Variants in KDM2A observed in about 807,000 individuals in gnomAD.
KDM2A encodes lysine demethylase 2A.
In KDM2A, 3 loss-of-function variants were observed where a neutral mutation model predicts 137.3. The observed-to-expected ratio is 0.02, with a 90% CI of 0.01 to 0.06. The LOEUF (loss-of-function observed/expected upper bound fraction) is 0.06, where lower values mean the gene tolerates loss of function less well. Among genes scored for constraint, KDM2A ranks in the 10% least tolerant of loss-of-function variants. KDM2A has a pLI of 1.00. For synonymous variants in KDM2A, 512 were observed against 541.5 expected (o/e 0.95, Z 0.76); for missense variants, 738 against 1,510.6 (o/e 0.49, Z 8.48).
chr11:67,120,777 C>T (rs989525372), intron 1 of KDM2A, among the ~76,000 whole-genome samples: 8 of 152,090 alleles, frequency 5.3e-5, no homozygotes, highest in Non-Finnish European at 8.8e-5. Flanking sequence ...AATTTTTTGT[C>T]CTCTTTTTAC....
At chr11:67,243,224 A>T (rs573907113) in intron 13 of KDM2A, 132 bp downstream of exon 13, 1 of 643,396 alleles carries the variant, frequency 1.6e-6, no homozygotes, top group African/African-American at 1.8e-5. Flanking sequence ...ACAGAAAATC[A>T]TTATTCAGTT....
At chr11:67,162,074 C>T (rs1329493233) in intron 2 of KDM2A, among the ~76,000 whole-genome samples, 3 of 152,068 alleles carry the variant, frequency 2.0e-5, no homozygotes, top group Non-Finnish European at 4.4e-5. Context: ...CTTTACTTTG[C>T]CTCTCAGGAA....
At chr11:67,132,880 G>T (rs967436493) in intron 2 of KDM2A, among the ~76,000 whole-genome samples, 1 of 152,168 alleles carries the variant, frequency 6.6e-6, no homozygotes, top group African/African-American at 2.4e-5. Flanking sequence ...AACAAGACAG[G>T]TGATTTTGAT....
chr11:67,154,134 A>G (rs941599402), intron 2 of KDM2A, among the ~76,000 whole-genome samples: 1 of 152,220 alleles, frequency 6.6e-6, no homozygotes, highest in African/African-American at 2.4e-5. Context: ...TTTATGCATT[A>G]TATTTGACTG....
At chr11:67,210,541 T>A (rs1484036388) in intron 6 of KDM2A, among the ~76,000 whole-genome samples, 1 of 152,130 alleles carries the variant, frequency 6.6e-6, no homozygotes, top group Non-Finnish European at 1.5e-5. Context: ...TGACATCATT[T>A]TATAAAAATT....
At chr11:67,193,393 C>T (rs1258052934) in intron 5 of KDM2A, among the ~76,000 whole-genome samples, 1 of 152,188 alleles carries the variant, frequency 6.6e-6, no homozygotes, top group African/African-American at 2.4e-5. Context: ...TGTTTATTGA[C>T]TATTTGGGCC....
chr11:67,123,333 G>C (rs1344462313), intron 2 of KDM2A, among the ~76,000 whole-genome samples: 1 of 143,276 alleles, frequency 7.0e-6, no homozygotes, highest in African/African-American at 2.7e-5. Flanking sequence ...TGTGTATTGG[G>C]AAGTATATAT....
rs549183454 is a variant in KDM2A at position 67,141,977 on chromosome 11, C to A, written c.42+20619C>A. On this transcript the variant is annotated intron_variant, in intron 2 of 20. Transcript: ENST00000529006. Reference sequence around the variant, plus strand: ...GTTATTTAATATTCTCCAATTCCATCCATGTTCCGAAAATGACAGAATTTC... The same window carrying A: ...GTTATTTAATATTCTCCAATTCCATACATGTTCCGAAAATGACAGAATTTC... 2.6e-5 allele frequency among the ~76,000 whole-genome samples: 4 copies of A among 152,130 alleles called. No individual in the cohort carries two copies. The South Asian group carries it at 8.3e-4, about 32-fold the overall frequency.
In KDM2A at chr11:67,252,691, C is replaced by T; in HGVS notation, c.2769-3C>T. The T allele has an allele frequency of 6.2e-7, 1 of 1,613,932 alleles. No homozygotes were observed. The highest frequency in any genetic ancestry group is 8.5e-7 in the Non-Finnish European group (1 of 1,179,864). Reference sequence around the variant, plus strand: ...AGGCGAGTTCTCTTCCCTTCTATCACAGGTGCTGCGACAAGAGACTTTGGA... The same window carrying T: ...AGGCGAGTTCTCTTCCCTTCTATCATAGGTGCTGCGACAAGAGACTTTGGA... On this transcript the variant is annotated splice_region_variant and splice_polypyrimidine_tract_variant and intron_variant, in intron 17 of 20. Transcript: ENST00000529006.
chr11:67,190,765 A>G (rs1480012741), intron 5 of KDM2A, among the ~76,000 whole-genome samples: 3 of 152,216 alleles, frequency 2.0e-5, no homozygotes, highest in African/African-American at 7.2e-5. Context: ...TTTAAAAAAA[A>G]AAATACTACG....
At chr11:67,235,966 T>C (rs1858860570) in intron 12 of KDM2A, among the ~76,000 whole-genome samples, 1 of 152,146 alleles carries the variant, frequency 6.6e-6, no homozygotes, top group Non-Finnish European at 1.5e-5. Context: ...TCTTGATATA[T>C]GTTGAATAAA....
chr11:67,191,247 G>A (rs1390946250), intron 5 of KDM2A, among the ~76,000 whole-genome samples: 2 of 152,024 alleles, frequency 1.3e-5, no homozygotes, highest in East Asian at 1.9e-4. Context: ...GGATGGTCTC[G>A]ATCTCCTGAC....
chr11:67,247,445 T>A (rs868219108), intron 15 of KDM2A, among the ~76,000 whole-genome samples: 2 of 147,784 alleles, frequency 1.4e-5, no homozygotes, highest in African/African-American at 5.0e-5. Flanking sequence ...TTTTTTTTTT[T>A]AAGACATGGT....
At position 67,250,137 on chromosome 11, in the gene KDM2A, C is replaced by T. The variant is rs1403006325; in HGVS notation, c.2107C>T (p.Arg703Trp). ...AGAAGCTGTGCAAGCCAAAGTCCTG[C>T]GGCCCCTGCGGAGCTGCGATGAGCC... Reference protein sequence around the residue: ...DEEAVQAKVLRPLRSCDEPLT... With the variant: ...DEEAVQAKVLWPLRSCDEPLT... Residue 703 changes from arginine to tryptophan, a missense_variant, in exon 17 of 21, where the codon CGG (arginine) becomes TGG (tryptophan). By Grantham distance (101) the Arg-to-Trp change is moderately radical. This residue lies in a region of KDM2A where 244 missense variants were observed against 324.6 expected (regional missense o/e 0.75). Transcript: ENST00000529006. This position sits in a 1 kb window ranked among gnomAD's most constrained non-coding sequence, Gnocchi z 7.1. 1.9e-6 allele frequency: 3 copies of T among 1,610,786 alleles called. No homozygotes were observed. Among genetic ancestry groups the T allele is most frequent in the African/African-American group, 1.3e-5 (1 of 74,814 alleles).
chr11:67,152,607 C>T (rs1325193298), intron 2 of KDM2A, among the ~76,000 whole-genome samples: 2 of 134,640 alleles, frequency 1.5e-5, no homozygotes, highest in Admixed American at 7.5e-5. Context: ...GACCCTGTTA[C>T]AAAAAAAAAA....
chr11:67,143,083 A>G (rs965659710), intron 2 of KDM2A: 1 of 147,684 alleles, frequency 6.8e-6, no homozygotes, highest in African/African-American at 2.5e-5. Context: ...GTGCAATGAC[A>G]TGATCTCAGC....
At position 67,254,363 on chromosome 11, in the gene KDM2A, A is replaced by C. The variant is rs1170347389; in HGVS notation, c.3252A>C (p.Leu1084=). ...CSHLTDQSSN[L]LTAVGSSTRY... ...ACCTTACAGATCAGTCCTCCAATCT[A>C]CTCACTGCTGTCGGGTCTTCCACTC... Residue 1084 remains leucine (L), a synonymous_variant, in exon 20 of 21, where the codon CTA becomes CTC. Transcript: ENST00000529006. This position sits in a 1 kb window ranked among gnomAD's most constrained non-coding sequence, Gnocchi z 4.7. 3 of 1,613,908 alleles carry C rather than the reference A, an allele frequency of 1.9e-6. No homozygotes were observed. The highest frequency in any genetic ancestry group is 2.5e-6 in the Non-Finnish European group (3 of 1,179,858).
At chr11:67,132,169 TGATA>T (rs1855868405) in intron 2 of KDM2A, 1 of 152,218 alleles carries the variant, frequency 6.6e-6, no homozygotes, top group African/African-American at 2.4e-5. Flanking sequence ...TGTGGATCTC[TGATA>T]GATGAGCAGA....
intron 5 of KDM2A, among the ~76,000 whole-genome samples, chr11:67,193,189 C>T (rs930441474): frequency 3.3e-5 from 5 of 152,008 alleles, no homozygotes; most frequent in Non-Finnish European, 5.9e-5. Context: ...AGGGTTTTGC[C>T]ATGTTGGCCA....
Sources: gnomAD v4.1 joint callset for allele counts (sites outside exome capture counted in the v4.1 genomes callset) on GRCh38, gnomAD v4.1.1 for gene constraint, gnomAD v4.1.1 regional missense constraint, Gnocchi (gnomAD v3.1) non-coding constraint, MANE v1.5 for transcripts, NCBI Gene and HGNC (gene_info 2026-07-23, HGNC 2026-07-21) for gene names.